RGS6: variants seen among roughly 807,000 people sequenced by gnomAD.
RGS6 encodes the protein regulator of G protein signaling 6, also known as regulator of G-protein signaling 6.
A neutral mutation model predicts 78.5 loss-of-function variants in RGS6; 30 were observed. The ratio of observed to expected loss-of-function variants is 0.38; its 90% CI spans 0.29 to 0.52. RGS6 has a LOEUF of 0.52. Ranked by LOEUF, RGS6 falls within the 20% of genes least tolerant of loss-of-function variation. The probability of loss-of-function intolerance (pLI) is 0.85; values close to 1 mark genes in which losing one functional copy is unlikely to be tolerated. For missense variants in RGS6, 495 were observed against 609.7 expected, an observed-to-expected ratio of 0.81 and a Z score of 1.98; for synonymous variants, 206 against 206.0, an observed-to-expected ratio of 1.00 and a Z score of 0.00.
At chr14:72,197,708 C>A (rs908655674) in intron 2 of RGS6, among the ~76,000 whole-genome samples, 1 of 152,094 alleles carries the variant, frequency 6.6e-6, no homozygotes, top group African/African-American at 2.4e-5. Flanking sequence ...GCCCAAATTT[C>A]TATTTGGCAG....
At chr14:72,619,218 G>A in the RGS6 span, 44,526 of 1,393,966 alleles carry the variant, frequency 0.032, 1,316 homozygotes, top group East Asian at 0.14. Context: ...TGGATATGTG[G>A]GAGGAGGGCG....
chr14:72,210,822 GTTTTTGTTTTTTT>G (rs1006455840), intron 2 of RGS6, among the ~76,000 whole-genome samples: 1 of 150,798 alleles, frequency 6.6e-6, no homozygotes, highest in African/African-American at 2.4e-5. Flanking sequence ...TTTTGTTTTT[GTTTTTGTTTTTTT>G]TTAAACCATC....
chr14:72,448,329 A>G (rs984938599), intron 3 of RGS6, among the ~76,000 whole-genome samples: 6 of 152,188 alleles, frequency 3.9e-5, no homozygotes, highest in African/African-American at 1.4e-4. Flanking sequence ...CCATTGACCA[A>G]ACAATACTAC....
chr14:72,152,129 G>C (rs1472566489), intron 2 of RGS6, among the ~76,000 whole-genome samples: 1 of 152,090 alleles, frequency 6.6e-6, no homozygotes. Context: ...GTCTAAAAAT[G>C]ATAAAACTGT....
intron 2 of RGS6, among the ~76,000 whole-genome samples, chr14:72,154,051 C>T (rs569046229): frequency 6.6e-6 from 1 of 152,176 alleles, no homozygotes; most frequent in East Asian, 1.9e-4. Context: ...ATAGACCTCG[C>T]CCCAGGAATG....
intron 2 of RGS6, among the ~76,000 whole-genome samples, chr14:71,968,363 C>T (rs547836696): frequency 1.3e-5 from 2 of 152,284 alleles, no homozygotes; most frequent in African/African-American, 4.8e-5. Flanking sequence ...AAAGCACTTA[C>T]TTAGTCTTTT....
chr14:72,162,078 T>G (rs951322629), intron 2 of RGS6, among the ~76,000 whole-genome samples: 2 of 152,192 alleles, frequency 1.3e-5, no homozygotes, highest in Non-Finnish European at 2.9e-5. Flanking sequence ...TTCTCAAAAT[T>G]CCAAGAATGA....
At chr14:72,417,831 G>C (rs1476975120) in intron 3 of RGS6, among the ~76,000 whole-genome samples, 2 of 152,116 alleles carry the variant, frequency 1.3e-5, no homozygotes, top group Non-Finnish European at 2.9e-5. Flanking sequence ...TTGCCCCACT[G>C]GTCCCCAGGT....
Position 72,234,160 on chromosome 14 carries a change from C to T in RGS6, c.85-117935C>T, listed in dbSNP as rs111742080. Among the ~76,000 whole-genome samples, 130 of 151,880 alleles carry T rather than the reference C, an allele frequency of 8.6e-4. 1 individual carries two copies. The highest frequency in any genetic ancestry group is 2.9e-3 in the African/African-American group (121 of 41,442). On this transcript the variant is annotated intron_variant, in intron 2 of 17. Coordinates refer to ENST00000553525, the MANE Select transcript of RGS6 (RefSeq NM_001204424.2). ...TTTGCGTACACTGCCTTTAATTTTC[C>T]GAATCATTCCGTTTTGCTTGTTGAG... is the stretch of plus-strand genomic sequence containing the variant.
chr14:72,421,824 C>G (rs2094195860), intron 3 of RGS6: 1 of 152,326 alleles, frequency 6.6e-6, no homozygotes, highest in African/African-American at 2.4e-5. Context: ...GGCCACTGTG[C>G]TATGTAACTT....
At chr14:72,212,111 A>C (rs1188002040) in intron 2 of RGS6, among the ~76,000 whole-genome samples, 2 of 152,188 alleles carry the variant, frequency 1.3e-5, no homozygotes, top group East Asian at 3.8e-4. Flanking sequence ...TGTGCCTGAG[A>C]AAGTCCAGAA....
the RGS6 span, among the ~76,000 whole-genome samples, chr14:72,587,251 C>G: frequency 6.6e-6 from 1 of 152,038 alleles, no homozygotes; most frequent in South Asian, 2.1e-4. Flanking sequence ...TTCCAGCCCC[C>G]ACATGACTTA....
At chr14:71,993,382 T>C (rs922402784) in intron 2 of RGS6, among the ~76,000 whole-genome samples, 29 of 152,230 alleles carry the variant, frequency 1.9e-4, no homozygotes, top group African/African-American at 6.5e-4. Context: ...GATGAATTAA[T>C]GGATGGTAGA....
At chr14:72,391,457 G>A (rs977702243) in intron 3 of RGS6, among the ~76,000 whole-genome samples, 2 of 152,144 alleles carry the variant, frequency 1.3e-5, no homozygotes, top group African/African-American at 2.4e-5. Context: ...GTGCCATTGG[G>A]GTGGGCTTTC....
intron 2 of RGS6, among the ~76,000 whole-genome samples, chr14:72,325,551 C>G (rs1056331706): frequency 2.6e-5 from 4 of 152,198 alleles, no homozygotes; most frequent in South Asian, 4.1e-4. Flanking sequence ...GGAAGGGATC[C>G]AGTTTCAGCT....
intron 15 of RGS6, among the ~76,000 whole-genome samples, chr14:72,525,380 G>A (rs2097104719): frequency 6.6e-6 from 1 of 152,102 alleles, no homozygotes; most frequent in African/African-American, 2.4e-5. Flanking sequence ...AGCGGCCCTG[G>A]GTCTGACTTA....
chr14:72,629,796 C>T, the RGS6 span: 1 of 1,316,868 alleles, frequency 7.6e-7, no homozygotes, highest in Non-Finnish European at 1.1e-6. Context: ...CCCCTCAACA[C>T]CACTCACTGG....
the RGS6 span, among the ~76,000 whole-genome samples, chr14:72,575,596 C>T: frequency 1.3e-5 from 2 of 152,126 alleles, no homozygotes; most frequent in Non-Finnish European, 2.9e-5. Flanking sequence ...CTGGAAGAAA[C>T]CTTTCTCCAC....
At chr14:72,369,392 A>C (rs1273624366) in intron 3 of RGS6, among the ~76,000 whole-genome samples, 2 of 152,208 alleles carry the variant, frequency 1.3e-5, no homozygotes, top group Non-Finnish European at 1.5e-5. Flanking sequence ...GGCCTGGTGA[A>C]ACCAACTGTG....
Sources: allele counts gnomAD v4.1 joint callset (sites outside exome capture counted in the v4.1 genomes callset), GRCh38; gene constraint gnomAD v4.1.1; transcripts MANE v1.5; gene names NCBI Gene and HGNC (gene_info 2026-07-23, HGNC 2026-07-21).